The following MCUB variants were observed in gnomAD, a reference collection of about 807,000 sequenced individuals.
MCUB encodes the protein calcium uniporter regulatory subunit MCUb, mitochondrial.
Under a neutral mutation model 41.4 loss-of-function variants are expected in MCUB, and 46 were observed. The observed-to-expected ratio is 1.11, with a 90% CI of 0.88 to 1.42. The LOEUF is 1.42. Ranked by LOEUF, MCUB falls within the 40% of genes most tolerant of loss-of-function variation. The probability of loss-of-function intolerance (pLI) is 0.00; values close to 1 mark genes in which losing one functional copy is unlikely to be tolerated. For missense variants in MCUB, 403 were observed against 404.9 expected (o/e 1.00, Z 0.04); for synonymous variants, 148 against 148.2 (o/e 1.00, Z 0.01).
intron 4 of MCUB, among the ~76,000 whole-genome samples, chr4:109,675,397 A>G (rs1249078803): frequency 1.3e-5 from 2 of 152,214 alleles, no homozygotes; most frequent in Non-Finnish European, 2.9e-5. Flanking sequence ...TTTTGTCAAC[A>G]CTGCCCCCCT....
intron 5 of MCUB, 120 bp from the exon 6 acceptor site, chr4:109,684,323 G>A (rs747982860): frequency 9.0e-6 from 6 of 668,084 alleles, no homozygotes; most frequent in Non-Finnish European, 1.5e-5. Context: ...CGGCCTCCCA[G>A]AGTGCTGAGA....
chr4:109,670,142 A>G (rs948231923), intron 4 of MCUB, among the ~76,000 whole-genome samples: 3 of 152,212 alleles, frequency 2.0e-5, no homozygotes, highest in African/African-American at 7.2e-5. Context: ...TAAGCCTTTT[A>G]TAATATAGTG....
chr4:109,600,195 C>T (rs868710567), intron 1 of MCUB, among the ~76,000 whole-genome samples: 4 of 152,196 alleles, frequency 2.6e-5, no homozygotes, highest in African/African-American at 9.6e-5. Context: ...GATCTTGCTT[C>T]TAGTTTTAGT....
intron 1 of MCUB, among the ~76,000 whole-genome samples, chr4:109,576,799 G>A (rs2126125771): frequency 1.3e-5 from 2 of 152,208 alleles, no homozygotes; most frequent in South Asian, 4.1e-4. Context: ...AAGGGGTTGT[G>A]GACAACAACC....
chr4:109,611,544 T>C (rs1454403060), intron 1 of MCUB, among the ~76,000 whole-genome samples: 1 of 152,208 alleles, frequency 6.6e-6, no homozygotes, highest in African/African-American at 2.4e-5. Flanking sequence ...CAAAGAATAC[T>C]TACACAATTC....
Position 109,687,684 on chromosome 4 carries a change from T to A in MCUB, c.*92T>A. The A allele has an allele frequency of 1.3e-6, 1 of 745,918 alleles. No individual in the cohort carries two copies. The highest frequency in any genetic ancestry group is 2.3e-6 in the Non-Finnish European group (1 of 435,392). The allele number at this position is 745,918 out of a possible 1,614,324, so 46.2% of individuals were successfully genotyped here. A position where few individuals can be genotyped will look rare whatever the true frequency, so the allele number is the denominator to read the frequency against. On this transcript the variant is annotated 3_prime_UTR_variant, in exon 8 of 8. Coordinates refer to ENST00000394650, the MANE Select transcript of MCUB (RefSeq NM_017918.5). ...AGTCCCATGGTTCATTTTGATTGTT[T>A]AATCTTTGTTATTAAATTCTTGTAA...
chr4:109,684,491 C>T lies in MCUB; in HGVS notation c.661C>T (p.Leu221=), dbSNP rs779778457. ...AHSEAKTSGL[L]WAGLALLSIQ... ...TTCGGAAGCCAAAACCAGTGGACTC[C>T]TGTGGGCTGGATTGGCACTGCTGTC... The change falls in exon 6 of 8, where the codon CTG becomes TTG. Residue 221 remains leucine, a synonymous_variant. Transcript: ENST00000394650. 25 of 1,613,794 alleles carry T rather than the reference C, an allele frequency of 1.5e-5. No individual in the cohort carries two copies. In the Admixed American group the frequency reaches 4.2e-4, roughly 27 times the overall value.
At chr4:109,685,184 C>A in intron 6 of MCUB, 67 bp from the exon 7 acceptor site, 3 of 711,562 alleles carry the variant, frequency 4.2e-6, no homozygotes, top group Non-Finnish European at 7.4e-6. Context: ...AGTCAAGTAT[C>A]TTTCTTGCAG....
chr4:109,679,964 G>A (rs974077080), intron 4 of MCUB, among the ~76,000 whole-genome samples: 1 of 152,118 alleles, frequency 6.6e-6, no homozygotes, highest in Non-Finnish European at 1.5e-5. Context: ...ACCATGCCCA[G>A]CTGATTTTTG....
intron 1 of MCUB, among the ~76,000 whole-genome samples, chr4:109,658,597 C>G (rs865973065): frequency 6.6e-6 from 1 of 151,956 alleles, no homozygotes; most frequent in Non-Finnish European, 1.5e-5. Context: ...ATGCCCGGCC[C>G]GATTCTGCAT....
At chr4:109,645,913 T>A (rs960230584) in intron 1 of MCUB, among the ~76,000 whole-genome samples, 3 of 152,184 alleles carry the variant, frequency 2.0e-5, no homozygotes, top group African/African-American at 7.2e-5. Flanking sequence ...ACTCCCTTAG[T>A]TGTCACTCTC....
At chr4:109,653,729 C>T (rs988451037) in intron 1 of MCUB, among the ~76,000 whole-genome samples, 1 of 152,096 alleles carries the variant, frequency 6.6e-6, no homozygotes, top group African/African-American at 2.4e-5. Flanking sequence ...GGCCTGCACC[C>T]TATATCCAGC....
intron 4 of MCUB, among the ~76,000 whole-genome samples, chr4:109,670,698 A>T (rs1729436185): frequency 6.6e-6 from 1 of 151,830 alleles, no homozygotes; most frequent in African/African-American, 2.4e-5. Context: ...CCTGGGCAAC[A>T]GAGCGAGGAG....
chr4:109,613,352 A>G (rs916506003), intron 1 of MCUB, among the ~76,000 whole-genome samples: 3 of 152,204 alleles, frequency 2.0e-5, no homozygotes, highest in African/African-American at 7.2e-5. Flanking sequence ...AGGTATGCTG[A>G]GGTCTCTCGC....
intron 1 of MCUB, among the ~76,000 whole-genome samples, chr4:109,650,932 A>G (rs1728947253): frequency 6.6e-6 from 1 of 152,150 alleles, no homozygotes; most frequent in South Asian, 2.1e-4. Context: ...TTCAGATTAT[A>G]TAGCATCTTT....
intron 1 of MCUB, chr4:109,648,360 C>A: frequency 4.2e-6 from 1 of 237,058 alleles, no homozygotes; most frequent in South Asian, 4.9e-5. Flanking sequence ...TGAGAGGGAG[C>A]TGGTGAGAAA....
intron 1 of MCUB, among the ~76,000 whole-genome samples, chr4:109,614,350 A>G (rs1268847075): frequency 6.6e-6 from 1 of 152,104 alleles, no homozygotes; most frequent in Non-Finnish European, 1.5e-5. Flanking sequence ...CTTAAGCCTC[A>G]ATGGAGGCTT....
chr4:109,596,342 C>A (rs1471213187), intron 1 of MCUB, among the ~76,000 whole-genome samples: 1 of 127,726 alleles, frequency 7.8e-6, no homozygotes. Context: ...AAACAGGGTC[C>A]TTGGACACAG....
chr4:109,595,867 G>A (rs1349295078), intron 1 of MCUB, among the ~76,000 whole-genome samples: 1 of 151,870 alleles, frequency 6.6e-6, no homozygotes, highest in Non-Finnish European at 1.5e-5. Flanking sequence ...AGCCCTGTTT[G>A]TCACCTGGCC....
Sources: gnomAD v4.1 joint callset for allele counts (sites outside exome capture counted in the v4.1 genomes callset) on GRCh38, gnomAD v4.1.1 for gene constraint, MANE v1.5 for transcripts, NCBI Gene and HGNC (gene_info 2026-07-23, HGNC 2026-07-21) for gene names.